The following PDZD2 variants were observed in gnomAD, a reference collection of about 807,000 sequenced individuals.
The protein encoded by PDZD2 is PDZ domain containing 2.
A neutral mutation model predicts 220.7 loss-of-function variants in PDZD2; 90 were observed. The observed-to-expected ratio is 0.41, with a 90% confidence interval of 0.34 to 0.49. The LOEUF (loss-of-function observed/expected upper bound fraction) is 0.49. Among genes scored for constraint, PDZD2 ranks in the 20% least tolerant of loss-of-function variants. The pLI, the probability that PDZD2 is intolerant of heterozygous loss-of-function variation, is 0.28. For synonymous variants in PDZD2, 1,375 were observed against 1,450.5 expected, an observed-to-expected ratio of 0.95 and a Z score of 1.18; for missense variants, 3,174 against 3,608.5, an observed-to-expected ratio of 0.88 and a Z score of 3.08.
intron 1 of PDZD2, among the ~76,000 whole-genome samples, chr5:31,745,030 G>C (rs946958922): frequency 3.3e-5 from 5 of 151,926 alleles, no homozygotes; most frequent in African/African-American, 1.2e-4. Context: ...CCGAGATCGC[G>C]CCATTGCACT....
In PDZD2 at chr5:32,089,932, T is replaced by C. The variant is rs753451883; in HGVS notation, c.6484T>C (p.Phe2162Leu). The stretch of plus-strand genomic sequence containing the variant: ...GGCAGAGCAGGAAATGTCACGATCA[T>C]TCAGCATGGCAAAACTGGCGTCCTC... ...SQAEQEMSRS[F>L]SMAKLASSSS... The change falls in exon 20 of 25, where the codon TTC becomes CTC. Residue 2162 changes from phenylalanine (F) to leucine (L), a missense_variant. By Grantham distance (22) the Phe-to-Leu change is conservative. This residue lies in a region of PDZD2 where 1,861 missense variants were observed against 2,001.0 expected (regional missense o/e 0.93). Coordinates refer to ENST00000438447, the MANE Select transcript of PDZD2 (RefSeq NM_178140.4). 14 of 1,610,804 alleles carry C rather than the reference T, an allele frequency of 8.7e-6. No individual in the cohort carries two copies. In the South Asian group the frequency reaches 1.4e-4, roughly 17 times the overall value.
intron 2 of PDZD2, among the ~76,000 whole-genome samples, chr5:31,869,949 T>C (rs1738630539): frequency 6.6e-6 from 1 of 152,112 alleles, no homozygotes; most frequent in Non-Finnish European, 1.5e-5. Flanking sequence ...GGCGATACTC[T>C]CCCACCACCC....
chr5:31,740,544 A>AAAAAAAAC (rs1750192345), intron 1 of PDZD2, among the ~76,000 whole-genome samples: 1 of 137,708 alleles, frequency 7.3e-6, no homozygotes, highest in Non-Finnish European at 1.5e-5. Flanking sequence ...AAAAAAAAAA[A>AAAAAAAAC]AAAAAAAAAA....
intron 2 of PDZD2, chr5:31,843,455 TG>T (rs1757429998): frequency 6.6e-6 from 1 of 151,680 alleles, no homozygotes; most frequent in African/African-American, 2.4e-5. Flanking sequence ...TTAGTAGAGA[TG>T]GGGTTTCACC....
At chr5:32,075,963 A>G (rs1480250360) in intron 18 of PDZD2, among the ~76,000 whole-genome samples, 1 of 152,188 alleles carries the variant, frequency 6.6e-6, no homozygotes, top group African/African-American at 2.4e-5. Context: ...TTAAAATATA[A>G]TGTTTGGCCA....
chr5:31,859,523 C>T (rs1737487556), intron 2 of PDZD2, among the ~76,000 whole-genome samples: 1 of 152,090 alleles, frequency 6.6e-6, no homozygotes, highest in African/African-American at 2.4e-5. Flanking sequence ...TTTTTATAAC[C>T]TCCTGTTACT....
intron 2 of PDZD2, among the ~76,000 whole-genome samples, chr5:31,856,746 G>C (rs62360857): frequency 0.042 from 6,350 of 152,084 alleles, 155 homozygotes; most frequent in Non-Finnish European, 0.054. Context: ...CATCAAGGTC[G>C]CTTACCTGCT....
chr5:31,949,218 A>T (rs942983681), intron 2 of PDZD2, among the ~76,000 whole-genome samples: 12 of 148,452 alleles, frequency 8.1e-5, no homozygotes, highest in East Asian at 3.9e-4. Flanking sequence ...AGAGAATCTC[A>T]TTTTTTTTTT....
Position 31,861,012 on chromosome 5 carries a change from C to G in PDZD2, c.476+61288C>G, listed in dbSNP as rs117380512. Among the ~76,000 whole-genome samples the G allele has an allele frequency of 1.2e-3, 184 of 152,188 alleles. 3 individuals carry two copies. The East Asian group carries it at 0.025, about 21-fold the overall frequency. On this transcript the variant is annotated intron_variant, in intron 2 of 24. Coordinates refer to ENST00000438447, the MANE Select transcript of PDZD2 (RefSeq NM_178140.4). ...CCAGAGACAAGCATAGGAAAGAGCTCGCTATCAAAGGCTAAGCAATAAAGA... is the reference window on the plus strand; with the variant it reads ...CCAGAGACAAGCATAGGAAAGAGCTGGCTATCAAAGGCTAAGCAATAAAGA...
At chr5:31,673,562 A>C (rs2150119401) in intron 1 of PDZD2, among the ~76,000 whole-genome samples, 1 of 152,314 alleles carries the variant, frequency 6.6e-6, no homozygotes, top group East Asian at 1.9e-4. Flanking sequence ...TTTGTCCCCC[A>C]ACTTTATATG....
intron 1 of PDZD2, among the ~76,000 whole-genome samples, chr5:31,687,023 A>C (rs1746903412): frequency 1.3e-5 from 2 of 152,190 alleles, no homozygotes. Context: ...CGAGGCTGTT[A>C]TAGACACCAG....
intron 2 of PDZD2, among the ~76,000 whole-genome samples, chr5:31,825,157 C>A (rs935630071): frequency 2.0e-5 from 3 of 152,182 alleles, no homozygotes; most frequent in Non-Finnish European, 4.4e-5. Flanking sequence ...TCCTGAAAAT[C>A]TGGAATCAAG....
At chr5:31,853,525 T>C (rs1758182112) in intron 2 of PDZD2, among the ~76,000 whole-genome samples, 1 of 152,204 alleles carries the variant, frequency 6.6e-6, no homozygotes, top group Non-Finnish European at 1.5e-5. Flanking sequence ...GATAATTATT[T>C]ACTATGTGCT....
chr5:32,000,551 C>A lies in PDZD2; in HGVS notation c.1254+280C>A, dbSNP rs923486606. Among the ~76,000 whole-genome samples, 2 of 151,966 alleles carry A rather than the reference C, an allele frequency of 1.3e-5. No homozygotes were observed. Among genetic ancestry groups the A allele is most frequent in the Non-Finnish European group, 2.9e-5 (2 of 68,016 alleles). ...TTGAGACGGAGTTTCACTCTTGTTGCCTAGTCTGGAGTGCAATGGCGCAAT... is the reference window on the plus strand; with the variant it reads ...TTGAGACGGAGTTTCACTCTTGTTGACTAGTCTGGAGTGCAATGGCGCAAT... On this transcript the variant is annotated intron_variant, in intron 5 of 24. Coordinates refer to ENST00000438447, the MANE Select transcript of PDZD2 (RefSeq NM_178140.4). This position sits in a 1 kb window ranked among gnomAD's most constrained non-coding sequence, Gnocchi z 4.5.
At chr5:31,648,938 A>G (rs10071363) in intron 1 of PDZD2, among the ~76,000 whole-genome samples, 4,895 of 152,246 alleles carry the variant, frequency 0.032, 96 homozygotes, top group African/African-American at 0.056. Flanking sequence ...ATAATGTGTA[A>G]TGTCATGTAT....
intron 1 of PDZD2, among the ~76,000 whole-genome samples, chr5:31,776,242 C>A (rs543562695): frequency 4.0e-4 from 61 of 152,144 alleles, no homozygotes; most frequent in African/African-American, 1.3e-3. Flanking sequence ...AAGTGGTCAC[C>A]AAGACCAGTT....
chr5:32,008,136 AAAATAAAT>A (rs141877198), intron 5 of PDZD2, among the ~76,000 whole-genome samples: 161 of 143,958 alleles, frequency 1.1e-3, no homozygotes, highest in South Asian at 3.4e-3. Flanking sequence ...TAAAATAATA[AAAATAAAT>A]AAATAAATAA....
intron 1 of PDZD2, among the ~76,000 whole-genome samples, chr5:31,794,578 T>C (rs1219424310): frequency 6.6e-6 from 1 of 151,758 alleles, no homozygotes; most frequent in Non-Finnish European, 1.5e-5. Flanking sequence ...TTTTTTGTAT[T>C]TTGTTTAGTA....
In PDZD2 at chr5:31,816,507, G is replaced by T. The variant is rs530454226; in HGVS notation, c.476+16783G>T. Among the ~76,000 whole-genome samples the T allele has an allele frequency of 2.2e-4, 33 of 151,992 alleles. No individual in the cohort carries two copies. In the South Asian group the frequency reaches 6.7e-3, roughly 31 times the overall value. ...GAAAGAAAGTCATGCTATGCAAAGG[G>T]CATTTTCAAGATGGATATTAGGAAA... On this transcript the variant is annotated intron_variant, in intron 2 of 24. Coordinates refer to ENST00000438447, the MANE Select transcript of PDZD2 (RefSeq NM_178140.4).
Sources: gnomAD v4.1 joint callset for allele counts (sites outside exome capture counted in the v4.1 genomes callset) on GRCh38, gnomAD v4.1.1 for gene constraint, gnomAD v4.1.1 regional missense constraint, Gnocchi (gnomAD v3.1) non-coding constraint, MANE v1.5 for transcripts, NCBI Gene and HGNC (gene_info 2026-07-23, HGNC 2026-07-21) for gene names.